Variants in FBLN5 observed in about 807,000 individuals in gnomAD.
The protein encoded by FBLN5 is fibulin 5, also known as fibulin-5.
Under a neutral mutation model 61.6 loss-of-function variants are expected in FBLN5, and 24 were observed. That is an observed-to-expected ratio of 0.39 (90% confidence interval 0.28 to 0.55). The LOEUF is 0.55. Ranked by LOEUF, FBLN5 falls within the 20% of genes least tolerant of loss-of-function variation. FBLN5 has a pLI of 0.65. For synonymous variants in FBLN5, 213 were observed against 219.8 expected (o/e 0.97, Z 0.27); for missense variants, 470 against 594.1 (o/e 0.79, Z 2.17).
chr14:91,895,365 C>T (rs1243073732), intron 4 of FBLN5, among the ~76,000 whole-genome samples: 1 of 152,186 alleles, frequency 6.6e-6, no homozygotes, highest in Non-Finnish European at 1.5e-5. Flanking sequence ...AGGTGCATTA[C>T]CTTGACAATA....
chr14:91,883,120 A>G, intron 7 of FBLN5, 44 bp from the exon 8 acceptor site: 2 of 1,609,318 alleles, frequency 1.2e-6, no homozygotes, highest in Non-Finnish European at 1.7e-6. Context: ...CCCAGTCTAC[A>G]TGGGGATGGG....
chr14:91,889,793 C>T (rs1177564157), intron 6 of FBLN5, among the ~76,000 whole-genome samples: 4 of 152,188 alleles, frequency 2.6e-5, no homozygotes, highest in Non-Finnish European at 4.4e-5. Context: ...GCCTGGGTGC[C>T]GGGCCTGCTG....
At chr14:91,876,598 G>A (rs894782946) in intron 10 of FBLN5, among the ~76,000 whole-genome samples, 1 of 152,202 alleles carries the variant, frequency 6.6e-6, no homozygotes, top group Non-Finnish European at 1.5e-5. Flanking sequence ...ACACAGAGGA[G>A]GAAGAGGAGG....
In FBLN5 at chr14:91,937,071, C is replaced by T. The variant is rs1566828625; in HGVS notation, c.255G>A (p.Ser85=). ...CTGGGTACGGACCTGAGTAGGGGGTCGAGTAGGGGTTCGAGTAGGGCCCTC... is the reference window on the plus strand; with the variant it reads ...CTGGGTACGGACCTGAGTAGGGGGTTGAGTAGGGGTTCGAGTAGGGCCCTC... The part of the protein sequence containing the change: ...VYRGPYSNPY[S]TPYSGPYPAA... The change falls in exon 4 of 11, where the codon TCG becomes TCA. Residue 85 remains serine, a synonymous_variant. Coordinates refer to ENST00000342058, the MANE Select transcript of FBLN5 (RefSeq NM_006329.4). 2 of 1,613,556 alleles carry T rather than the reference C, an allele frequency of 1.2e-6. No homozygotes were observed. Among genetic ancestry groups the T allele is most frequent in the South Asian group, 1.1e-5 (1 of 91,040 alleles).
chr14:91,947,607 T>A lies in FBLN5; in HGVS notation c.-378A>T, dbSNP rs1229689541. On this transcript the variant is annotated 5_prime_UTR_variant, in exon 1 of 11. The change creates a new upstream start codon in the 5' untranslated region. Coordinates refer to ENST00000342058, the MANE Select transcript of FBLN5 (RefSeq NM_006329.4). The surrounding 1 kb of genome is among the most constrained non-coding windows in gnomAD (Gnocchi z 4.3). Reference sequence around the variant, plus strand: ...ACTGGCTAGACTCCTCACAACAATCTTGGGGCGTCTGCCAGGGCCCAGTGC... The same window carrying A: ...ACTGGCTAGACTCCTCACAACAATCATGGGGCGTCTGCCAGGGCCCAGTGC... 2 of 265,388 alleles carry A rather than the reference T, an allele frequency of 7.5e-6. No homozygotes were observed. The highest frequency in any genetic ancestry group is 4.4e-5 in the African/African-American group (2 of 45,454). The allele number at this position is 265,388 out of a possible 1,614,324, so 16.4% of individuals were successfully genotyped here. A position where few individuals can be genotyped will look rare whatever the true frequency, so the allele number is the denominator to read the frequency against.
rs2056140827 is a variant in FBLN5, at chr14:91,943,601, A to G, written c.18-640T>C. On this transcript the variant is annotated intron_variant, in intron 1 of 10. Transcript: ENST00000342058. The surrounding 1 kb of genome is among the most constrained non-coding windows in gnomAD (Gnocchi z 4.0). Reference sequence around the variant, plus strand: ...TTATGCGAGATGTGCTTGACTTTTGAACATCTTTATGCTGACATGATTACA... The same window carrying G: ...TTATGCGAGATGTGCTTGACTTTTGGACATCTTTATGCTGACATGATTACA... Among the ~76,000 whole-genome samples, 1 of 151,926 alleles carries G rather than the reference A, an allele frequency of 6.6e-6. No homozygotes were observed. Among genetic ancestry groups the G allele is most frequent in the South Asian group, 2.1e-4 (1 of 4,814 alleles).
At chr14:91,932,943 G>T (rs1431883425) in intron 4 of FBLN5, among the ~76,000 whole-genome samples, 2 of 152,250 alleles carry the variant, frequency 1.3e-5, no homozygotes, top group Admixed American at 6.5e-5. Flanking sequence ...GGCTTCGTAT[G>T]CATGGCCCCT....
chr14:91,917,649 C>T (rs1261098581), intron 4 of FBLN5, among the ~76,000 whole-genome samples: 1 of 147,878 alleles, frequency 6.8e-6, no homozygotes, highest in Non-Finnish European at 1.5e-5. Context: ...TGTTGTTTTG[C>T]TTAAGCTACT....
intron 6 of FBLN5, among the ~76,000 whole-genome samples, chr14:91,890,784 C>T (rs1198841119): frequency 1.3e-5 from 2 of 152,140 alleles, no homozygotes; most frequent in Non-Finnish European, 2.9e-5. Context: ...GAATCGCCCA[C>T]GACACCCCTG....
chr14:91,899,542 C>T lies in FBLN5; in HGVS notation c.380-4470G>A, dbSNP rs575074007. Among the ~76,000 whole-genome samples the T allele has an allele frequency of 2.0e-5, 3 of 152,376 alleles. No homozygotes were observed. The South Asian group carries it at 6.2e-4, about 32-fold the overall frequency. The stretch of plus-strand genomic sequence containing the variant: ...CTGCACTGGCACCTCTCCCTTGAGA[C>T]ATCCACAGAGTGGCCTTCTCAATCT... On this transcript the variant is annotated intron_variant, in intron 4 of 10. Transcript: ENST00000342058.
chr14:91,930,386 A>G (rs1371291988), intron 4 of FBLN5, among the ~76,000 whole-genome samples: 1 of 152,176 alleles, frequency 6.6e-6, no homozygotes, highest in Non-Finnish European at 1.5e-5. Context: ...GGCCATGCCC[A>G]TGAACAAGCT....
chr14:91,942,291 G>A (rs2056117798), intron 2 of FBLN5: 1 of 405,744 alleles, frequency 2.5e-6, no homozygotes, highest in East Asian at 7.3e-5. Flanking sequence ...CCCAGGGATG[G>A]GCCCTCCTAG....
At chr14:91,904,855 G>A (rs1268477314) in intron 4 of FBLN5, among the ~76,000 whole-genome samples, 1 of 152,202 alleles carries the variant, frequency 6.6e-6, no homozygotes, top group African/African-American at 2.4e-5. Context: ...AAAGTGCTTG[G>A]CCTGATGGAG....
intron 4 of FBLN5, among the ~76,000 whole-genome samples, chr14:91,912,994 A>C (rs1410344147): frequency 6.6e-6 from 1 of 152,190 alleles, no homozygotes; most frequent in African/African-American, 2.4e-5. Flanking sequence ...ACCAATGTGT[A>C]TTAACTCAAT....
chr14:91,911,829 T>C (rs563791580), intron 4 of FBLN5, among the ~76,000 whole-genome samples: 1 of 148,218 alleles, frequency 6.7e-6, no homozygotes, highest in Admixed American at 6.7e-5. Flanking sequence ...GGCTGGGAGA[T>C]GCCCACGCTG....
intron 4 of FBLN5, among the ~76,000 whole-genome samples, chr14:91,926,207 C>G (rs1261981527): frequency 6.6e-6 from 1 of 152,186 alleles, no homozygotes; most frequent in Non-Finnish European, 1.5e-5. Flanking sequence ...AAGACAAGAG[C>G]CTGTGGGCAC....
Position 91,877,686 on chromosome 14 carries a change from T to A in FBLN5, c.990-4A>T. On this transcript the variant is annotated splice_polypyrimidine_tract_variant and splice_region_variant and intron_variant, in intron 9 of 10. Transcript: ENST00000342058. ...CTCAGCAGGACACATACAGCGGCTG[T>A]GGAAAGGGAAATCACGTGAGAACTC... is the stretch of plus-strand genomic sequence containing the variant. 6.2e-7 allele frequency: 1 copy of A among 1,613,294 alleles called. No individual in the cohort carries two copies. The highest frequency in any genetic ancestry group is 1.1e-5 in the South Asian group (1 of 91,052).
chr14:91,941,996 C>T (rs531109114), intron 2 of FBLN5: 36 of 359,738 alleles, frequency 1.0e-4, no homozygotes, highest in Non-Finnish European at 1.9e-4. Flanking sequence ...CCTGAATATG[C>T]TTCAAAATTC....
chr14:91,889,198 C>T (rs1030500699), intron 6 of FBLN5, among the ~76,000 whole-genome samples: 1 of 152,206 alleles, frequency 6.6e-6, no homozygotes, highest in Non-Finnish European at 1.5e-5. Flanking sequence ...AGGAAAATGT[C>T]CACTGTGCTA....
Sources: gnomAD v4.1 joint callset for allele counts (sites outside exome capture counted in the v4.1 genomes callset) on GRCh38, gnomAD v4.1.1 for gene constraint, Gnocchi (gnomAD v3.1) non-coding constraint, MANE v1.5 for transcripts, NCBI Gene and HGNC (gene_info 2026-07-23, HGNC 2026-07-21) for gene names.